TMEM232: variants seen among roughly 807,000 people sequenced by gnomAD.
TMEM232 encodes the protein transmembrane protein 232.
In TMEM232, 80 loss-of-function variants were observed where a neutral mutation model predicts 78.8. That is an observed-to-expected ratio of 1.01 (90% CI 0.85 to 1.22). TMEM232 has a LOEUF of 1.22. TMEM232 is among the 50% of genes most tolerant of loss of function. The pLI, the probability that TMEM232 is intolerant of heterozygous loss-of-function variation, is 0.00. For missense variants in TMEM232, 881 were observed against 742.2 expected (o/e 1.19, Z -2.17); for synonymous variants, 297 against 254.3 (o/e 1.17, Z -1.60).
chr5:110,522,240 G>C (rs1393027788), intron 12 of TMEM232, among the ~76,000 whole-genome samples: 2 of 152,078 alleles, frequency 1.3e-5, no homozygotes, highest in Non-Finnish European at 2.9e-5. Flanking sequence ...TTAGTGTACA[G>C]ATATGTAACA....
At chr5:110,734,871 T>C (rs1202303127) in intron 2 of TMEM232, 3 of 152,150 alleles carry the variant, frequency 2.0e-5, no homozygotes, top group African/African-American at 7.2e-5. Context: ...ATATTTAAAA[T>C]ATTACTAAAT....
At chr5:110,451,530 C>T (rs1760278047) in intron 12 of TMEM232, among the ~76,000 whole-genome samples, 1 of 152,130 alleles carries the variant, frequency 6.6e-6, no homozygotes, top group Admixed American at 6.6e-5. Flanking sequence ...CATTTAATGC[C>T]TTAATCTTCT....
Position 110,520,557 on chromosome 5 carries a change from T to C in TMEM232, c.1703+8031A>G, listed in dbSNP as rs80112314. Among the ~76,000 whole-genome samples the C allele has an allele frequency of 4.2e-3, 633 of 152,300 alleles. 2 individuals are homozygous for C. Among genetic ancestry groups the C allele is most frequent in the African/African-American group, 0.015 (614 of 41,574 alleles). On this transcript the variant is annotated intron_variant, in intron 12 of 13. Transcript: ENST00000455884. ...AACAGGACACTATTAGACTATTATA[T>C]AATAATTAAGAAGAGTTTTGTTCCA...
chr5:110,455,274 G>A (rs28850407), intron 12 of TMEM232, among the ~76,000 whole-genome samples: 8,297 of 151,962 alleles, frequency 0.055, 499 homozygotes, highest in African/African-American at 0.16. Context: ...GTAACATTTC[G>A]CAATTCATCT....
intron 2 of TMEM232, among the ~76,000 whole-genome samples, chr5:110,663,263 T>C (rs1790053748): frequency 6.6e-6 from 1 of 152,034 alleles, no homozygotes; most frequent in South Asian, 2.1e-4. Flanking sequence ...ATAGTAACTA[T>C]AACAATTTTT....
intron 3 of TMEM232, among the ~76,000 whole-genome samples, chr5:110,390,851 G>T (rs567298537): frequency 6.6e-6 from 1 of 152,330 alleles, no homozygotes; most frequent in Admixed American, 6.5e-5. Context: ...CTAAAGCAGA[G>T]AACGTGTGCT....
chr5:110,414,586 T>C (rs1756118531), downstream of TMEM232, among the ~76,000 whole-genome samples: 1 of 152,242 alleles, frequency 6.6e-6, no homozygotes, highest in African/African-American at 2.4e-5. Flanking sequence ...AGGCTCCCTC[T>C]GCTGGTTTTC....
chr5:110,596,876 G>C (rs927872364), intron 10 of TMEM232, among the ~76,000 whole-genome samples: 26 of 152,052 alleles, frequency 1.7e-4, no homozygotes, highest in Non-Finnish European at 3.5e-4. Context: ...AAAATAATAA[G>C]AGCTATCTAT....
chr5:110,646,194 A>G (rs1787454932), intron 2 of TMEM232, among the ~76,000 whole-genome samples: 1 of 151,784 alleles, frequency 6.6e-6, no homozygotes, highest in Admixed American at 6.6e-5. Context: ...TTCAATTGCT[A>G]TCAAATCCCA....
chr5:110,469,980 C>G (rs756963873), intron 12 of TMEM232, among the ~76,000 whole-genome samples: 5 of 152,098 alleles, frequency 3.3e-5, no homozygotes, highest in African/African-American at 4.8e-5. Context: ...TCCCTGCCCC[C>G]CCGGAACCCC....
At chr5:110,597,339 A>C (rs967960521) in intron 10 of TMEM232, among the ~76,000 whole-genome samples, 1 of 152,170 alleles carries the variant, frequency 6.6e-6, no homozygotes, top group Non-Finnish European at 1.5e-5. Context: ...GAGAACTACA[A>C]ACCACTGCTC....
intron 12 of TMEM232, among the ~76,000 whole-genome samples, chr5:110,465,924 C>G (rs1214618237): frequency 6.6e-6 from 1 of 151,922 alleles, no homozygotes; most frequent in African/African-American, 2.4e-5. Flanking sequence ...TGGCAATAAA[C>G]AAGACAGAAA....
At chr5:110,552,649 CATA>C (rs1400951704) in intron 11 of TMEM232, among the ~76,000 whole-genome samples, 1 of 151,978 alleles carries the variant, frequency 6.6e-6, no homozygotes, top group African/African-American at 2.4e-5. Context: ...AGGAAAATTT[CATA>C]ATAATAAGGA....
At chr5:110,406,674 A>G (rs925438155) in intron 2 of TMEM232, among the ~76,000 whole-genome samples, 1 of 152,110 alleles carries the variant, frequency 6.6e-6, no homozygotes, top group Non-Finnish European at 1.5e-5. Flanking sequence ...TAAGTACATG[A>G]GCAAACCCAA....
chr5:110,647,003 A>G (rs1787591637), intron 2 of TMEM232, among the ~76,000 whole-genome samples: 1 of 151,706 alleles, frequency 6.6e-6, no homozygotes, highest in Non-Finnish European at 1.5e-5. Flanking sequence ...AAAAAAATAT[A>G]TTACTATGGT....
At chr5:110,577,383 G>C (rs755548635) in intron 10 of TMEM232, among the ~76,000 whole-genome samples, 1 of 152,102 alleles carries the variant, frequency 6.6e-6, no homozygotes, top group Non-Finnish European at 1.5e-5. Context: ...ACAGGTGCTG[G>C]TGAAGTTGTG....
At chr5:110,420,849 A>G in intron 13 of TMEM232, 93 bp from the exon 14 acceptor site, 1 of 1,433,710 alleles carries the variant, frequency 7.0e-7, no homozygotes, top group Non-Finnish European at 9.0e-7. Flanking sequence ...ATATCCAATT[A>G]TCCTTTCAGG....
At chr5:110,451,762 A>G (rs1252432347) in intron 12 of TMEM232, among the ~76,000 whole-genome samples, 1 of 152,072 alleles carries the variant, frequency 6.6e-6, no homozygotes, top group Non-Finnish European at 1.5e-5. Flanking sequence ...CTTTTCTTGT[A>G]GCATTTATTA....
At chr5:110,651,244 A>G (rs1457156381) in intron 2 of TMEM232, among the ~76,000 whole-genome samples, 1 of 152,128 alleles carries the variant, frequency 6.6e-6, no homozygotes, top group Non-Finnish European at 1.5e-5. Context: ...TGTTTTCTGA[A>G]AGTGATCCAT....
Sources: allele counts gnomAD v4.1 joint callset (sites outside exome capture counted in the v4.1 genomes callset), GRCh38; gene constraint gnomAD v4.1.1; transcripts MANE v1.5; gene names NCBI Gene and HGNC (gene_info 2026-07-23, HGNC 2026-07-21).